The following CCDC192 variants were observed in gnomAD, a reference collection of about 807,000 sequenced individuals.
CCDC192 encodes the protein coiled-coil domain-containing protein 192.
Position 127,841,154 on chromosome 5 carries a change from A to T in CCDC192, c.412-34384A>T, listed in dbSNP as rs117545701. ...GCAGAAAGACATTTCTTCAGTTTGT[A>T]TGTGCCCTTAAGAGGCAAATTAGTA... On this transcript the variant is annotated intron_variant, in intron 5 of 6. Coordinates refer to ENST00000514853, the MANE Select transcript of CCDC192 (RefSeq NM_001317938.2). 7.0e-4 allele frequency among the ~76,000 whole-genome samples: 106 copies of T among 152,382 alleles called. 1 individual carries two copies. In the East Asian group the frequency reaches 0.017, roughly 25 times the overall value.
At chr5:127,712,093 A>G (rs1483838128) in intron 2 of CCDC192, among the ~76,000 whole-genome samples, 1 of 152,130 alleles carries the variant, frequency 6.6e-6, no homozygotes, top group African/African-American at 2.4e-5. Flanking sequence ...ATAAACGGAG[A>G]CATACAGAAT....
chr5:127,822,821 C>A (rs1327043182), intron 5 of CCDC192, among the ~76,000 whole-genome samples: 1 of 152,198 alleles, frequency 6.6e-6, no homozygotes, highest in East Asian at 1.9e-4. Context: ...GCGTGAAGTG[C>A]TGTTGCTGCA....
chr5:127,707,447 C>T (rs926815798), intron 1 of CCDC192, among the ~76,000 whole-genome samples: 5 of 150,906 alleles, frequency 3.3e-5, no homozygotes, highest in Admixed American at 6.6e-5. Flanking sequence ...TTCAGGTTTT[C>T]AGAACAGATT....
At chr5:127,845,374 G>C (rs74847768) in intron 5 of CCDC192, among the ~76,000 whole-genome samples, 3 of 152,122 alleles carry the variant, frequency 2.0e-5, no homozygotes, top group African/African-American at 7.2e-5. Context: ...TTCTTTTGTT[G>C]ATTTGTTTGT....
At chr5:127,795,910 T>G (rs1757140761) in intron 3 of CCDC192, among the ~76,000 whole-genome samples, 1 of 152,136 alleles carries the variant, frequency 6.6e-6, no homozygotes, top group South Asian at 2.1e-4. Flanking sequence ...TAAACACATG[T>G]TGGTGATCAT....
Position 127,870,642 on chromosome 5 carries a change from C to T in CCDC192, c.412-4896C>T, listed in dbSNP as rs370232452. On this transcript the variant is annotated intron_variant, in intron 5 of 6. Coordinates refer to ENST00000514853, the MANE Select transcript of CCDC192 (RefSeq NM_001317938.2). ...CAATGGGCAGTGGCTGCTGAAAGTG[C>T]GACTAAACGATTGTGAATCCAGGGG... is the stretch of plus-strand genomic sequence containing the variant. Among the ~76,000 whole-genome samples the T allele has an allele frequency of 2.2e-4, 34 of 152,168 alleles. 1 individual carries two copies. The South Asian group carries it at 3.3e-3, about 15-fold the overall frequency.
intron 5 of CCDC192, among the ~76,000 whole-genome samples, chr5:127,832,302 G>C (rs1235325424): frequency 6.6e-6 from 1 of 152,168 alleles, no homozygotes; most frequent in Non-Finnish European, 1.5e-5. Flanking sequence ...AGTTTACACT[G>C]GCGGAATCAC....
intron 2 of CCDC192, among the ~76,000 whole-genome samples, chr5:127,744,093 CAAA>C (rs35375542): frequency 2.0e-5 from 1 of 50,040 alleles, no homozygotes; most frequent in African/African-American, 7.3e-5. Flanking sequence ...GACTCCGTCT[CAAA>C]AAAAAAAAAA....
intron 5 of CCDC192, among the ~76,000 whole-genome samples, chr5:127,821,076 T>C (rs868472321): frequency 3.3e-5 from 5 of 152,216 alleles, no homozygotes; most frequent in Middle Eastern, 6.8e-3. Context: ...GCAGGCAGAA[T>C]TCATAGTAAC....
intron 5 of CCDC192, among the ~76,000 whole-genome samples, chr5:127,831,690 G>A (rs964517187): frequency 6.6e-6 from 1 of 151,968 alleles, no homozygotes; most frequent in Non-Finnish European, 1.5e-5. Flanking sequence ...AACTATTATA[G>A]CATATTCAAA....
At chr5:127,728,629 C>T (rs914534558) in intron 2 of CCDC192, among the ~76,000 whole-genome samples, 2 of 152,182 alleles carry the variant, frequency 1.3e-5, no homozygotes, top group South Asian at 4.1e-4. Flanking sequence ...TATGAAGCAA[C>T]TACATTAACA....
chr5:127,762,877 C>T (rs1397845877), intron 3 of CCDC192, among the ~76,000 whole-genome samples: 1 of 152,116 alleles, frequency 6.6e-6, no homozygotes, highest in Non-Finnish European at 1.5e-5. Context: ...TAGGTATATG[C>T]TTTTGTTCAA....
At chr5:127,768,500 GC>G (rs1755360266) in intron 3 of CCDC192, among the ~76,000 whole-genome samples, 1 of 152,152 alleles carries the variant, frequency 6.6e-6, no homozygotes, top group Non-Finnish European at 1.5e-5. Context: ...CTCAGAGGGA[GC>G]CATCCCTGCT....
At chr5:127,935,354 C>G (rs901811770) in intron 6 of CCDC192, 1 of 152,184 alleles carries the variant, frequency 6.6e-6, no homozygotes, top group African/African-American at 2.4e-5. Flanking sequence ...GTAGTTGGGT[C>G]AGAAATTAGA....
At chr5:127,717,415 T>C (rs1034418597) in intron 2 of CCDC192, among the ~76,000 whole-genome samples, 2 of 152,106 alleles carry the variant, frequency 1.3e-5, no homozygotes, top group African/African-American at 4.8e-5. Context: ...GTAGCCTAAA[T>C]TCTCTGCAGA....
At chr5:127,846,770 A>T (rs1394277648) in intron 5 of CCDC192, among the ~76,000 whole-genome samples, 1 of 141,784 alleles carries the variant, frequency 7.1e-6, no homozygotes, top group East Asian at 2.2e-4. Context: ...GCGCTTGGCC[A>T]TAGTGCCTAT....
intron 6 of CCDC192, among the ~76,000 whole-genome samples, chr5:127,906,386 A>G (rs1753194421): frequency 6.6e-6 from 1 of 152,222 alleles, no homozygotes; most frequent in South Asian, 2.1e-4. Context: ...TTTCCATTGT[A>G]TGTATATAAC....
intron 2 of CCDC192, among the ~76,000 whole-genome samples, chr5:127,724,700 T>C (rs1561448252): frequency 6.6e-6 from 1 of 151,758 alleles, no homozygotes; most frequent in Non-Finnish European, 1.5e-5. Flanking sequence ...AATACAAAAA[T>C]TATCAGGGTG....
intron 5 of CCDC192, among the ~76,000 whole-genome samples, chr5:127,799,310 A>C (rs2126973633): frequency 6.6e-6 from 1 of 152,332 alleles, no homozygotes; most frequent in East Asian, 1.9e-4. Flanking sequence ...CTGCTGTGGC[A>C]GTTAGCAGAG....
Sources: gnomAD v4.1 joint callset for allele counts (sites outside exome capture counted in the v4.1 genomes callset) on GRCh38, gnomAD v4.1.1 for gene constraint, MANE v1.5 for transcripts, NCBI Gene and HGNC (gene_info 2026-07-23, HGNC 2026-07-21) for gene names.